The following LRMDA variants were observed in gnomAD, a reference collection of about 807,000 sequenced individuals.
LRMDA encodes the protein leucine-rich melanocyte differentiation-associated protein.
In LRMDA, 18 loss-of-function variants were observed where a neutral mutation model predicts 29.8. That is an observed-to-expected ratio of 0.60 (90% CI 0.42 to 0.90). The LOEUF (loss-of-function observed/expected upper bound fraction) is 0.90. LRMDA is among the 40% of genes least tolerant of loss of function. The probability of loss-of-function intolerance (pLI) is 0.00; values close to 1 mark genes in which losing one functional copy is unlikely to be tolerated. For missense variants in LRMDA, 273 were observed against 273.9 expected, an observed-to-expected ratio of 1.00 and a Z score of 0.02; for synonymous variants, 125 against 109.4, an observed-to-expected ratio of 1.14 and a Z score of -0.89.
At chr10:76,201,550 A>C (rs923359807) in intron 5 of LRMDA, among the ~76,000 whole-genome samples, 2 of 152,252 alleles carry the variant, frequency 1.3e-5, no homozygotes, top group Non-Finnish European at 2.9e-5. Context: ...TGTTAGCCAC[A>C]ATGCCATAAT....
At chr10:75,957,708 G>A (rs1846688408) in intron 2 of LRMDA, among the ~76,000 whole-genome samples, 1 of 152,208 alleles carries the variant, frequency 6.6e-6, no homozygotes, top group Non-Finnish European at 1.5e-5. Flanking sequence ...TGGGGTTAGA[G>A]AGGGTTCATT....
chr10:76,187,984 T>A (rs1851179658), intron 5 of LRMDA, among the ~76,000 whole-genome samples: 1 of 152,128 alleles, frequency 6.6e-6, no homozygotes, highest in South Asian at 2.1e-4. Flanking sequence ...TTAATGGCAA[T>A]TGAAGTAGCA....
intron 2 of LRMDA, among the ~76,000 whole-genome samples, chr10:75,921,509 G>T (rs758855374): frequency 1.2e-4 from 19 of 152,292 alleles, no homozygotes; most frequent in East Asian, 5.8e-4. Flanking sequence ...AAGGATGAGG[G>T]GCTGAATCTT....
chr10:75,668,962 T>A (rs926421390), intron 2 of LRMDA, among the ~76,000 whole-genome samples: 4 of 152,240 alleles, frequency 2.6e-5, no homozygotes, highest in African/African-American at 9.6e-5. Context: ...TAGTGGGGAC[T>A]AAGCTGTGGC....
At chr10:75,889,389 G>T (rs942095) in intron 2 of LRMDA, among the ~76,000 whole-genome samples, 1 of 152,186 alleles carries the variant, frequency 6.6e-6, no homozygotes, top group African/African-American at 2.4e-5. Context: ...TGAGTTAGAA[G>T]GAATTGCTGG....
intron 2 of LRMDA, among the ~76,000 whole-genome samples, chr10:75,910,667 G>T (rs1268507086): frequency 6.6e-6 from 1 of 152,162 alleles, no homozygotes; most frequent in Non-Finnish European, 1.5e-5. Context: ...CAAGATGTCA[G>T]CTGGGAGCAA....
chr10:75,801,372 G>A (rs1216776249), intron 2 of LRMDA, among the ~76,000 whole-genome samples: 1 of 152,194 alleles, frequency 6.6e-6, no homozygotes, highest in Non-Finnish European at 1.5e-5. Flanking sequence ...AGTTCTGGCT[G>A]CTGTGTCCAG....
chr10:75,826,472 G>A (rs1450524270), intron 2 of LRMDA, among the ~76,000 whole-genome samples: 1 of 152,162 alleles, frequency 6.6e-6, no homozygotes, highest in South Asian at 2.1e-4. Context: ...GTCTAGGTCA[G>A]TGTCCATGTT....
chr10:76,231,743 G>A (rs1460885951), intron 5 of LRMDA, among the ~76,000 whole-genome samples: 3 of 152,196 alleles, frequency 2.0e-5, no homozygotes, highest in African/African-American at 7.2e-5. Context: ...CTGAGTGACT[G>A]TGGTAGTTAT....
chr10:76,328,377 G>A (rs1310912808), intron 6 of LRMDA, among the ~76,000 whole-genome samples: 1 of 152,200 alleles, frequency 6.6e-6, no homozygotes, highest in East Asian at 1.9e-4. Flanking sequence ...TATTTAGAAT[G>A]TAAACTATAT....
chr10:76,364,749 G>A (rs1302935634), intron 6 of LRMDA, among the ~76,000 whole-genome samples: 2 of 151,612 alleles, frequency 1.3e-5, no homozygotes, highest in Non-Finnish European at 2.9e-5. Flanking sequence ...GTGGTATTTG[G>A]TACATGAGTA....
intron 5 of LRMDA, among the ~76,000 whole-genome samples, chr10:76,119,349 G>T (rs1389100912): frequency 6.6e-6 from 1 of 151,910 alleles, no homozygotes; most frequent in Non-Finnish European, 1.5e-5. Flanking sequence ...TGGGGTCTGT[G>T]GGTAGCAAAG....
At chr10:76,353,477 C>G (rs1186207009) in intron 6 of LRMDA, among the ~76,000 whole-genome samples, 1 of 152,086 alleles carries the variant, frequency 6.6e-6, no homozygotes. Context: ...GTAGTCCTGA[C>G]AAATACCAGG....
intron 6 of LRMDA, among the ~76,000 whole-genome samples, chr10:76,525,743 G>T (rs1436409614): frequency 6.6e-6 from 1 of 152,130 alleles, no homozygotes; most frequent in Non-Finnish European, 1.5e-5. Flanking sequence ...AACTCTAGAA[G>T]ATAAGAGTTA....
chr10:75,618,948 AATTTTTT>A (rs898674099), intron 2 of LRMDA, among the ~76,000 whole-genome samples: 2 of 151,760 alleles, frequency 1.3e-5, no homozygotes, highest in African/African-American at 4.8e-5. Flanking sequence ...ACTCCTGGCT[AATTTTTT>A]ATTTTTTATT....
At chr10:76,012,042 T>TGTCTG (rs1847791830) in intron 2 of LRMDA, among the ~76,000 whole-genome samples, 1 of 152,148 alleles carries the variant, frequency 6.6e-6, no homozygotes, top group African/African-American at 2.4e-5. Flanking sequence ...ACTCTAGGGT[T>TGTCTG]AGGGGCAGGG....
chr10:76,358,325 A>C (rs1423359755), intron 6 of LRMDA, among the ~76,000 whole-genome samples: 4 of 152,254 alleles, frequency 2.6e-5, no homozygotes, highest in African/African-American at 9.6e-5. Context: ...TTGTCAGCCA[A>C]GATGTCATTT....
chr10:76,057,421 GC>G (rs1344944947), intron 4 of LRMDA, among the ~76,000 whole-genome samples: 1 of 152,210 alleles, frequency 6.6e-6, no homozygotes, highest in Non-Finnish European at 1.5e-5. Context: ...CCATTCTAAT[GC>G]CAGTTTTCAA....
intron 2 of LRMDA, among the ~76,000 whole-genome samples, chr10:76,009,926 G>A (rs953147507): frequency 6.6e-6 from 1 of 150,720 alleles, no homozygotes; most frequent in African/African-American, 2.4e-5. Context: ...AGCTAAATGT[G>A]AGCCTCAAAG....
Sources: allele counts gnomAD v4.1 joint callset (sites outside exome capture counted in the v4.1 genomes callset), GRCh38; gene constraint gnomAD v4.1.1; transcripts MANE v1.5; gene names NCBI Gene and HGNC (gene_info 2026-07-23, HGNC 2026-07-21).